GRIP1: variants seen among roughly 807,000 people sequenced by gnomAD.
The protein encoded by GRIP1 is glutamate receptor-interacting protein 1.
A neutral mutation model predicts 129.9 loss-of-function variants in GRIP1; 45 were observed. That is an observed-to-expected ratio of 0.35 (90% CI 0.27 to 0.44). GRIP1 has a LOEUF of 0.44. Among genes scored for constraint, GRIP1 ranks in the 20% least tolerant of loss-of-function variants. GRIP1 has a pLI of 1.00. For missense variants in GRIP1, 1,196 were observed against 1,396.8 expected, an observed-to-expected ratio of 0.86 and a Z score of 2.29; for synonymous variants, 530 against 520.8, an observed-to-expected ratio of 1.02 and a Z score of -0.24.
chr12:66,663,630 T>C (rs1355320943), intron 1 of GRIP1, among the ~76,000 whole-genome samples: 1 of 152,212 alleles, frequency 6.6e-6, no homozygotes, highest in Non-Finnish European at 1.5e-5. Flanking sequence ...CTGTAGTTTA[T>C]TTCTGTGCAG....
intron 1 of GRIP1, among the ~76,000 whole-genome samples, chr12:66,885,094 G>A (rs2040542927): frequency 6.6e-6 from 1 of 152,184 alleles, no homozygotes; most frequent in African/African-American, 2.4e-5. Context: ...CAATTAGCCT[G>A]GTGGATCCTG....
chr12:66,842,229 C>T (rs2039731995), intron 1 of GRIP1, among the ~76,000 whole-genome samples: 2 of 152,036 alleles, frequency 1.3e-5, no homozygotes, highest in Admixed American at 1.3e-4. Flanking sequence ...TAGTTCTCTT[C>T]TATACGTAAC....
chr12:66,511,525 T>G (rs952048239), intron 7 of GRIP1, among the ~76,000 whole-genome samples: 11 of 152,194 alleles, frequency 7.2e-5, no homozygotes, highest in Non-Finnish European at 2.9e-5. Flanking sequence ...CTTATTCTGT[T>G]TGGGCCATTC....
chr12:67,031,666 C>T (rs1430130479), intron 1 of GRIP1, among the ~76,000 whole-genome samples: 1 of 152,160 alleles, frequency 6.6e-6, no homozygotes, highest in Non-Finnish European at 1.5e-5. Context: ...TTAATGTCTT[C>T]AGACACCCAT....
At chr12:66,912,132 T>C (rs2041040423) in intron 1 of GRIP1, among the ~76,000 whole-genome samples, 1 of 152,188 alleles carries the variant, frequency 6.6e-6, no homozygotes, top group Admixed American at 6.5e-5. Context: ...TCCAAAATGT[T>C]GGCATACTTA....
intron 2 of GRIP1, among the ~76,000 whole-genome samples, chr12:66,591,374 T>TA (rs1160700175): frequency 1.3e-5 from 2 of 152,286 alleles, no homozygotes; most frequent in African/African-American, 4.8e-5. Context: ...TTTGGCAGAG[T>TA]ACACCCGGCC....
intron 1 of GRIP1, among the ~76,000 whole-genome samples, chr12:66,885,218 C>A (rs750392741): frequency 6.6e-6 from 1 of 152,106 alleles, no homozygotes; most frequent in Non-Finnish European, 1.5e-5. Context: ...TGGTGCCTCA[C>A]GCCCACGAAA....
intron 1 of GRIP1, among the ~76,000 whole-genome samples, chr12:66,775,454 T>C (rs1423004691): frequency 1.3e-5 from 2 of 152,302 alleles, no homozygotes; most frequent in South Asian, 2.1e-4. Context: ...AGGAAATTAA[T>C]AGCTGGGTCT....
rs186825027 is a variant in GRIP1, at chr12:67,064,626, C to G, written c.58+4424G>C. On this transcript the variant is annotated intron_variant, in intron 1 of 1. Transcript: ENST00000643019. ...GGAAAAAGTCAAATTCCACATTGGA[C>G]TTTTTGTTAAGGAGGTTGTGGGTGG... Among the ~76,000 whole-genome samples the G allele has an allele frequency of 2.5e-3, 379 of 152,274 alleles. 11 individuals carry two copies. The highest frequency in any genetic ancestry group is 0.025 in the Admixed American group (377 of 15,292).
At chr12:66,371,658 AT>A (rs755343506) in intron 23 of GRIP1, 35 bp downstream of exon 23, 33 of 1,434,284 alleles carry the variant, frequency 2.3e-5, no homozygotes, top group Non-Finnish European at 3.2e-5. Context: ...TGGCTGCCAA[AT>A]TTGACCCTAG....
At chr12:66,622,811 C>G (rs1187080975) in intron 1 of GRIP1, among the ~76,000 whole-genome samples, 2 of 152,134 alleles carry the variant, frequency 1.3e-5, no homozygotes, top group Non-Finnish European at 2.9e-5. Context: ...CTAGTCTCAA[C>G]CCAGTCATCC....
Position 66,712,109 on chromosome 12 carries a change from C to T in GRIP1, c.-419-81773G>A, listed in dbSNP as rs564996608. On this transcript the variant is annotated intron_variant, in intron 1 of 4. Coordinates refer to the GRIP1 transcript ENST00000538373. Reference sequence around the variant, plus strand: ...TCTTAAAATATAATACAATCATATACGTTTCTTAACATTCAATGAAATGCA... The same window carrying T: ...TCTTAAAATATAATACAATCATATATGTTTCTTAACATTCAATGAAATGCA... Among the ~76,000 whole-genome samples, 19 of 151,950 alleles carry T rather than the reference C, an allele frequency of 1.3e-4. No individual in the cohort carries two copies. The East Asian group carries it at 2.7e-3, about 22-fold the overall frequency.
At chr12:66,471,634 A>G (rs949454553) in intron 7 of GRIP1, among the ~76,000 whole-genome samples, 1 of 152,234 alleles carries the variant, frequency 6.6e-6, no homozygotes, top group Non-Finnish European at 1.5e-5. Context: ...ATTGGAAAGG[A>G]GAAAGTCTAC....
At chr12:66,504,625 TATTTCAGA>T (rs1451077752) in intron 7 of GRIP1, among the ~76,000 whole-genome samples, 1 of 152,150 alleles carries the variant, frequency 6.6e-6, no homozygotes, top group Non-Finnish European at 1.5e-5. Context: ...CTCAATGCAG[TATTTCAGA>T]TGGCCACCAC....
intron 1 of GRIP1, among the ~76,000 whole-genome samples, chr12:66,935,407 G>A (rs913866178): frequency 3.3e-5 from 5 of 151,950 alleles, no homozygotes; most frequent in African/African-American, 9.7e-5. Context: ...CTCATGGTAG[G>A]CCCCTAGATA....
intron 16 of GRIP1, among the ~76,000 whole-genome samples, chr12:66,397,238 G>T (rs186433338): frequency 6.7e-4 from 102 of 151,708 alleles, no homozygotes; most frequent in African/African-American, 2.4e-3. Flanking sequence ...TTGGCCAGGC[G>T]CAGTGGCTCA....
intron 5 of GRIP1, among the ~76,000 whole-genome samples, chr12:66,525,253 T>C (rs1436172057): frequency 3.9e-5 from 6 of 152,262 alleles, no homozygotes; most frequent in Non-Finnish European, 7.4e-5. Context: ...ACCAATATGC[T>C]TGATGAACAT....
At chr12:67,050,127 T>A (rs1221442923) in intron 1 of GRIP1, among the ~76,000 whole-genome samples, 1 of 152,194 alleles carries the variant, frequency 6.6e-6, no homozygotes. Context: ...ATTAAACTTT[T>A]GTCTTTTATG....
At chr12:66,850,231 AT>A (rs1212077837) in intron 1 of GRIP1, among the ~76,000 whole-genome samples, 1 of 152,168 alleles carries the variant, frequency 6.6e-6, no homozygotes, top group East Asian at 1.9e-4. Flanking sequence ...TGAATACATT[AT>A]TCCTCTAGGA....
Sources: gnomAD v4.1 joint callset for allele counts (sites outside exome capture counted in the v4.1 genomes callset) on GRCh38, gnomAD v4.1.1 for gene constraint, MANE v1.5 for transcripts, NCBI Gene and HGNC (gene_info 2026-07-23, HGNC 2026-07-21) for gene names.